The following DCDC2 variants were observed in gnomAD, a reference collection of about 807,000 sequenced individuals.
DCDC2 encodes doublecortin domain containing 2.
Under a neutral mutation model 50.2 loss-of-function variants are expected in DCDC2, and 40 were observed. That is an observed-to-expected ratio of 0.80 (90% CI 0.62 to 1.04). The LOEUF is 1.04. Ranked by LOEUF, DCDC2 falls within the 50% of genes least tolerant of loss-of-function variation. The pLI is 0.00. For synonymous variants in DCDC2, 234 were observed against 210.6 expected (o/e 1.11, Z -0.96); for missense variants, 570 against 581.9 (o/e 0.98, Z 0.21).
chr6:24,334,763 A>G (rs1760026109), intron 2 of DCDC2, among the ~76,000 whole-genome samples: 1 of 152,222 alleles, frequency 6.6e-6, no homozygotes, highest in Admixed American at 6.5e-5. Flanking sequence ...CTGGTGAAGA[A>G]TGTTGCTCCA....
At chr6:24,223,734 T>TTATAAA (rs1001671498) in intron 7 of DCDC2, among the ~76,000 whole-genome samples, 57 of 152,352 alleles carry the variant, frequency 3.7e-4, no homozygotes, top group African/African-American at 1.3e-3. Context: ...CAACCAGTCT[T>TTATAAA]TATAAATTAC....
rs760438248 is a variant in DCDC2, at chr6:24,353,639, A to G, written c.294-16T>C. 3 of 1,550,612 alleles carry G rather than the reference A, an allele frequency of 1.9e-6. No individual in the cohort carries two copies. The South Asian group carries it at 3.6e-5, about 18-fold the overall frequency. Reference sequence around the variant, plus strand: ...GTCCAAGTAACTGAGGAAAAAACAAACAAACAATAAGAGTTGCTTTTATAG... The same window carrying G: ...GTCCAAGTAACTGAGGAAAAAACAAGCAAACAATAAGAGTTGCTTTTATAG... On this transcript the variant is annotated splice_polypyrimidine_tract_variant and intron_variant, in intron 1 of 9. Coordinates refer to ENST00000378454, the MANE Select transcript of DCDC2 (RefSeq NM_016356.5).
chr6:24,242,969 AAAAG>A (rs1397345207), intron 7 of DCDC2, among the ~76,000 whole-genome samples: 3 of 152,166 alleles, frequency 2.0e-5, no homozygotes, highest in Non-Finnish European at 4.4e-5. Flanking sequence ...CTCAAAAAAA[AAAAG>A]AAAAGGAAAG....
Position 24,281,942 on chromosome 6 carries a change from C to T in DCDC2, c.760-3731G>A, listed in dbSNP as rs552518961. 7.2e-5 allele frequency among the ~76,000 whole-genome samples: 11 copies of T among 152,254 alleles called. No homozygotes were observed. In the South Asian group the frequency reaches 1.5e-3, roughly 20 times the overall value. ...CTAAGGGTCTGATTTTTCTACTACA[C>T]TGAAACTTTCTAATGTCCAAAGCAC... On this transcript the variant is annotated intron_variant, in intron 6 of 9. Transcript: ENST00000378454.
intron 4 of DCDC2, 111 bp downstream of exon 4, chr6:24,301,604 G>T: frequency 8.0e-7 from 1 of 1,254,878 alleles, no homozygotes; most frequent in Non-Finnish European, 1.1e-6. Flanking sequence ...GGCATACGGG[G>T]CCTAACTGGG....
rs917543259 is a variant in DCDC2, at chr6:24,173,700, T to C, written c.*1030A>G. The C allele has an allele frequency of 1.3e-4, 20 of 152,182 alleles. No homozygotes were observed. Among genetic ancestry groups the C allele is most frequent in the Admixed American group, 1.3e-4 (2 of 15,278 alleles). The allele number at this position is 152,182 out of a possible 1,614,324, so 9.4% of individuals were successfully genotyped here. On this transcript the variant is annotated 3_prime_UTR_variant, in exon 10 of 10. Coordinates refer to ENST00000378454, the MANE Select transcript of DCDC2 (RefSeq NM_016356.5). ...AGAAATCTGCTTGAAATTCTAACTATATCATGCTAGGAAAAATAAATATTT... is the reference window on the plus strand; with the variant it reads ...AGAAATCTGCTTGAAATTCTAACTACATCATGCTAGGAAAAATAAATATTT...
intron 2 of DCDC2, among the ~76,000 whole-genome samples, chr6:24,325,405 T>C (rs372418519): frequency 1.6e-4 from 24 of 149,518 alleles, no homozygotes; most frequent in African/African-American, 5.3e-4. Context: ...CCTTGAAGAA[T>C]AACCTAGATC....
chr6:24,194,290 T>C (rs1349039489), intron 8 of DCDC2, among the ~76,000 whole-genome samples: 1 of 152,180 alleles, frequency 6.6e-6, no homozygotes, highest in Non-Finnish European at 1.5e-5. Context: ...AAGAAAATAG[T>C]ATATATCACA....
chr6:24,261,762 C>A (rs1397116933), intron 7 of DCDC2, among the ~76,000 whole-genome samples: 1 of 152,174 alleles, frequency 6.6e-6, no homozygotes, highest in African/African-American at 2.4e-5. Context: ...TCGTCATCTA[C>A]TAAGCATAGC....
chr6:24,224,987 G>A (rs920451328), intron 7 of DCDC2, among the ~76,000 whole-genome samples: 1 of 152,180 alleles, frequency 6.6e-6, no homozygotes, highest in Non-Finnish European at 1.5e-5. Context: ...CATAATAAAT[G>A]TGTGGGTGCG....
At chr6:24,337,845 C>T (rs1252287425) in intron 2 of DCDC2, among the ~76,000 whole-genome samples, 1 of 151,262 alleles carries the variant, frequency 6.6e-6, no homozygotes, top group African/African-American at 2.4e-5. Context: ...ATATTTTATC[C>T]CTTTTCTGGA....
intron 7 of DCDC2, among the ~76,000 whole-genome samples, chr6:24,223,300 T>A (rs1265050300): frequency 4.6e-5 from 7 of 152,228 alleles, no homozygotes; most frequent in African/African-American, 1.7e-4. Context: ...TGAAACCACG[T>A]GCAATTTTAT....
In DCDC2 at chr6:24,172,836, A is replaced by C. The variant is rs924037628; in HGVS notation, c.*1894T>G. 5 of 152,164 alleles carry C rather than the reference A, an allele frequency of 3.3e-5. 1 individual carries two copies. The South Asian group carries it at 1.0e-3, about 32-fold the overall frequency. The allele number at this position is 152,164 out of a possible 1,614,324, so 9.4% of individuals were successfully genotyped here. On this transcript the variant is annotated 3_prime_UTR_variant, in exon 10 of 10. Coordinates refer to ENST00000378454, the MANE Select transcript of DCDC2 (RefSeq NM_016356.5). ...TGGTGAAACATCTGTCTCTACAAAA[A>C]ATACAAAAATTAGCCAGGTGTGGTG...
intron 8 of DCDC2, among the ~76,000 whole-genome samples, chr6:24,180,898 GAAGA>G (rs1267232526): frequency 3.3e-5 from 5 of 152,116 alleles, no homozygotes; most frequent in African/African-American, 9.7e-5. Flanking sequence ...TTATTTTTAA[GAAGA>G]AAGAGTTGGA....
intron 7 of DCDC2, among the ~76,000 whole-genome samples, chr6:24,246,403 G>A (rs548790816): frequency 6.7e-6 from 1 of 149,190 alleles, no homozygotes; most frequent in Non-Finnish European, 1.5e-5. Context: ...TAAATTGTAC[G>A]CCATCTTAGA....
intron 6 of DCDC2, among the ~76,000 whole-genome samples, chr6:24,282,015 A>C (rs952303207): frequency 2.6e-5 from 4 of 152,206 alleles, no homozygotes; most frequent in African/African-American, 9.6e-5. Context: ...GCCATCCCAG[A>C]AGTAACAAAT....
At chr6:24,276,556 G>A (rs1003048715) in intron 7 of DCDC2, among the ~76,000 whole-genome samples, 1 of 151,988 alleles carries the variant, frequency 6.6e-6, no homozygotes, top group African/African-American at 2.4e-5. Flanking sequence ...CCAGTTGTTG[G>A]AAATAAGAAA....
chr6:24,175,505 T>G (rs1760883700), intron 9 of DCDC2, among the ~76,000 whole-genome samples: 1 of 152,128 alleles, frequency 6.6e-6, no homozygotes. Context: ...GGGCACCCAG[T>G]CTGGGGGACA....
At chr6:24,305,759 G>T (rs892945591) in intron 2 of DCDC2, among the ~76,000 whole-genome samples, 1 of 151,842 alleles carries the variant, frequency 6.6e-6, no homozygotes, top group South Asian at 2.1e-4. Flanking sequence ...AGGTGCAGTG[G>T]CTTACACCTA....
Sources: gnomAD v4.1 joint callset for allele counts (sites outside exome capture counted in the v4.1 genomes callset) on GRCh38, gnomAD v4.1.1 for gene constraint, MANE v1.5 for transcripts, NCBI Gene and HGNC (gene_info 2026-07-23, HGNC 2026-07-21) for gene names.